The following SLC10A1 variants were observed in gnomAD, a reference collection of about 807,000 sequenced individuals.
SLC10A1 encodes hepatic sodium/bile acid cotransporter.
A neutral mutation model predicts 20.5 loss-of-function variants in SLC10A1; 36 were observed. The observed-to-expected ratio is 1.75, with a 90% CI of 1.34 to 2.32. The LOEUF (loss-of-function observed/expected upper bound fraction) is 2.32. SLC10A1 is among the 30% of genes most tolerant of loss of function. The pLI, the probability that SLC10A1 is intolerant of heterozygous loss-of-function variation, is 0.00. For missense variants in SLC10A1, 545 were observed against 439.1 expected, an observed-to-expected ratio of 1.24 and a Z score of -2.16; for synonymous variants, 188 against 163.6, an observed-to-expected ratio of 1.15 and a Z score of -1.14.
intron 4 of SLC10A1, among the ~76,000 whole-genome samples, chr14:69,776,985 C>T (rs552386964): frequency 6.6e-6 from 1 of 152,270 alleles, no homozygotes; most frequent in Non-Finnish European, 1.5e-5. Flanking sequence ...CAAAGAAATA[C>T]GTTGCTTTGA....
chr14:69,785,888 C>T (rs1470300096), intron 2 of SLC10A1, among the ~76,000 whole-genome samples: 3 of 151,724 alleles, frequency 2.0e-5, no homozygotes, highest in East Asian at 1.9e-4. Context: ...GGATTATAAG[C>T]GTGAGCCACC....
chr14:69,785,865 T>A (rs370703447), intron 2 of SLC10A1, among the ~76,000 whole-genome samples: 125 of 152,004 alleles, frequency 8.2e-4, no homozygotes, highest in Middle Eastern at 3.4e-3. Flanking sequence ...CGCCTCAACT[T>A]CCCAAAGTGT....
Position 69,778,357 on chromosome 14 carries a change from A to C in SLC10A1, c.919T>G (p.Tyr307Asp), listed in dbSNP as rs201200099. The C allele has an allele frequency of 1.3e-5, 21 of 1,609,230 alleles. No individual in the cohort carries two copies. The highest frequency in any genetic ancestry group is 1.8e-5 in the Non-Finnish European group (21 of 1,177,968). Residue 307 changes from tyrosine to aspartate, a missense_variant, in exon 4 of 5, where the codon TAT becomes GAT. Coordinates refer to ENST00000216540, the MANE Select transcript of SLC10A1 (RefSeq NM_003049.4). ...GLLLIAIFWC[Y>D]EKFKTPKDKT... ...CCCTTGGGAGTCTTGAATTTCTCAT[A>C]GCACCAAAATATGGCAATGAGGAGA...
intron 2 of SLC10A1, among the ~76,000 whole-genome samples, chr14:69,780,984 C>T (rs1883577844): frequency 2.6e-5 from 4 of 152,162 alleles, no homozygotes; most frequent in Non-Finnish European, 4.4e-5. Flanking sequence ...CTTATTCTCT[C>T]ACTCATGTTC....
chr14:69,785,162 G>A lies in SLC10A1; in HGVS notation c.567+935C>T, dbSNP rs1017103124. 7.0e-4 allele frequency among the ~76,000 whole-genome samples: 106 copies of A among 152,136 alleles called. 1 individual carries two copies. The highest frequency in any genetic ancestry group is 6.9e-3 in the Admixed American group (106 of 15,272). ...TGGGGGATGAATAGTGAGCCAAGGGGGAGGCTGGCAGGGACCAAACTCCAA... is the reference window on the plus strand; with the variant it reads ...TGGGGGATGAATAGTGAGCCAAGGGAGAGGCTGGCAGGGACCAAACTCCAA... On this transcript the variant is annotated intron_variant, in intron 2 of 4. Coordinates refer to ENST00000216540, the MANE Select transcript of SLC10A1 (RefSeq NM_003049.4).
chr14:69,792,304 CTG>C (rs1274340493), intron 1 of SLC10A1, among the ~76,000 whole-genome samples: 3 of 152,170 alleles, frequency 2.0e-5, no homozygotes, highest in Admixed American at 6.5e-5. Context: ...CAGCTCCAAA[CTG>C]TGAATAGACT....
intron 1 of SLC10A1, among the ~76,000 whole-genome samples, chr14:69,794,542 G>T (rs896179482): frequency 9.2e-5 from 14 of 152,176 alleles, no homozygotes; most frequent in Non-Finnish European, 2.1e-4. Context: ...TCCAGGTAAG[G>T]TGTTTAGCAC....
intron 1 of SLC10A1, among the ~76,000 whole-genome samples, chr14:69,787,564 C>G (rs888916685): frequency 3.3e-5 from 5 of 152,162 alleles, no homozygotes; most frequent in African/African-American, 1.2e-4. Flanking sequence ...TGAAGAGCAG[C>G]CTATATCAAA....
In SLC10A1 at chr14:69,776,404, GGGTTACA is replaced by G. The variant is rs768868006; in HGVS notation, c.944-23_944-17del. On this transcript the variant is annotated splice_polypyrimidine_tract_variant and intron_variant, in intron 4 of 4. Coordinates refer to ENST00000216540, the MANE Select transcript of SLC10A1 (RefSeq NM_003049.4). ...TTTGTTTTATCTGTAAAGTTAAAAA[GGGTTACA>G]GGTGTAGAGAGAGAACAAGAGGAGT... 105 of 1,586,790 alleles carry G rather than the reference GGGTTACA, an allele frequency of 6.6e-5. 1 individual carries two copies. Among genetic ancestry groups the G allele is most frequent in the Non-Finnish European group, 7.5e-5 (87 of 1,155,316 alleles).
At chr14:69,790,280 C>T (rs991278787) in intron 1 of SLC10A1, among the ~76,000 whole-genome samples, 1 of 151,918 alleles carries the variant, frequency 6.6e-6, no homozygotes, top group African/African-American at 2.4e-5. Context: ...CAGATTGTTG[C>T]AATATTATGC....
chr14:69,782,495 G>A (rs1215908992), intron 2 of SLC10A1, among the ~76,000 whole-genome samples: 1 of 152,156 alleles, frequency 6.6e-6, no homozygotes, highest in Non-Finnish European at 1.5e-5. Context: ...TCATCTTAAA[G>A]GCTTCTCCAG....
At chr14:69,779,063 A>T in intron 3 of SLC10A1, 119 bp downstream of exon 3, 1 of 707,798 alleles carries the variant, frequency 1.4e-6, no homozygotes, top group Non-Finnish European at 2.2e-6. Flanking sequence ...TGGGGGGCTG[A>T]GGCAGGAGGA....
Position 69,779,317 on chromosome 14 carries a change from A to G in SLC10A1, c.611T>C (p.Val204Ala), listed in dbSNP as rs1005189897. ...CTTCCCCACATTGATGGCAGAGAGAACTGTGACGGCCACACTGCACAAGAG... is the reference window on the plus strand; with the variant it reads ...CTTCCCCACATTGATGGCAGAGAGAGCTGTGACGGCCACACTGCACAAGAG... The part of the protein sequence containing the change: ...IILLCSVAVT[V>A]LSAINVGKSI... The change falls in exon 3 of 5, where the codon GTT becomes GCT. Residue 204 changes from valine to alanine, a missense_variant. Physicochemically the swap from Val to Ala is moderately conservative, Grantham distance 64. Coordinates refer to ENST00000216540, the MANE Select transcript of SLC10A1 (RefSeq NM_003049.4). 6.2e-7 allele frequency: 1 copy of G among 1,614,054 alleles called. No individual in the cohort carries two copies. The highest frequency in any genetic ancestry group is 8.5e-7 in the Non-Finnish European group (1 of 1,179,994).
chr14:69,797,192 C>G lies in SLC10A1; in HGVS notation c.-37G>C. 1 of 1,538,444 alleles carries G rather than the reference C, an allele frequency of 6.5e-7. No homozygotes were observed. The highest frequency in any genetic ancestry group is 1.2e-5 in the South Asian group (1 of 82,368). ...GCAGTGGAAGACCACTCCTTGTTCT[C>G]CGGCTGACTCCGTTTCTTGTGCAGT... On this transcript the variant is annotated 5_prime_UTR_variant, in exon 1 of 5. Transcript: ENST00000216540.
rs1594760012 is a variant in SLC10A1 at position 69,778,364 on chromosome 14, A to G, written c.912T>C (p.Phe304=). ...GAGTCTTGAATTTCTCATAGCACCA[A>G]AATATGGCAATGAGGAGAAGCCCTT... ...LGEGLLLIAI[F]WCYEKFKTPK... The change falls in exon 4 of 5, where the codon TTT becomes TTC. Residue 304 remains phenylalanine (F), a synonymous_variant. Coordinates refer to ENST00000216540, the MANE Select transcript of SLC10A1 (RefSeq NM_003049.4). 1 of 1,610,922 alleles carries G rather than the reference A, an allele frequency of 6.2e-7. No individual in the cohort carries two copies. The highest frequency in any genetic ancestry group is 8.5e-7 in the Non-Finnish European group (1 of 1,178,748).
In SLC10A1 at chr14:69,797,238, A is replaced by T; in HGVS notation, c.-83T>A. On this transcript the variant is annotated 5_prime_UTR_variant, in exon 1 of 5. Coordinates refer to ENST00000216540, the MANE Select transcript of SLC10A1 (RefSeq NM_003049.4). ...GCAGTTCTTGCTGGATGCCTTCTTT[A>T]ATCACCTCTCAGGACAGAGAGTTTC... 1 of 1,159,080 alleles carries T rather than the reference A, an allele frequency of 8.6e-7. No individual in the cohort carries two copies. The highest frequency in any genetic ancestry group is 2.9e-4 in the Middle Eastern group (1 of 3,470). The allele number at this position is 1,159,080 out of a possible 1,614,324, so 71.8% of individuals were successfully genotyped here.
chr14:69,781,634 G>T (rs949420881), intron 2 of SLC10A1, among the ~76,000 whole-genome samples: 1 of 152,220 alleles, frequency 6.6e-6, no homozygotes, highest in Admixed American at 6.5e-5. Flanking sequence ...GGAAATGCAT[G>T]AGTAGAGTGT....
At chr14:69,781,863 C>T (rs546971524) in intron 2 of SLC10A1, among the ~76,000 whole-genome samples, 2 of 152,284 alleles carry the variant, frequency 1.3e-5, no homozygotes, top group South Asian at 2.1e-4. Context: ...CTTCCACCAG[C>T]GAATGCAACT....
chr14:69,786,328 A>AG (rs1883713477), intron 1 of SLC10A1, 21 bp from the exon 2 acceptor site: 3 of 1,601,902 alleles, frequency 1.9e-6, no homozygotes, highest in Non-Finnish European at 2.6e-6. Flanking sequence ...ACATGGGAAG[A>AG]GGGGAGAGAG....
Sources: gnomAD v4.1 joint callset for allele counts (sites outside exome capture counted in the v4.1 genomes callset) on GRCh38, gnomAD v4.1.1 for gene constraint, MANE v1.5 for transcripts, NCBI Gene and HGNC (gene_info 2026-07-23, HGNC 2026-07-21) for gene names.